The following LGI2 variants were observed in gnomAD, a reference collection of about 807,000 sequenced individuals.
The protein encoded by LGI2 is leucine-rich repeat LGI family member 2.
A neutral mutation model predicts 52.0 loss-of-function variants in LGI2; 30 were observed. The observed-to-expected ratio is 0.58, with a 90% CI of 0.43 to 0.78. LGI2 has a LOEUF of 0.78. Ranked by LOEUF, LGI2 falls within the 30% of genes least tolerant of loss-of-function variation. The pLI, the probability that LGI2 is intolerant of heterozygous loss-of-function variation, is 0.00. For synonymous variants in LGI2, 270 were observed against 271.8 expected, an observed-to-expected ratio of 0.99 and a Z score of 0.06; for missense variants, 573 against 692.5, an observed-to-expected ratio of 0.83 and a Z score of 1.94.
At chr4:24,997,736 C>T (rs1725124854), downstream of LGI2, among the ~76,000 whole-genome samples, 1 of 152,174 alleles carries the variant, frequency 6.6e-6, no homozygotes, top group African/African-American at 2.4e-5. Flanking sequence ...GAGTCATTTT[C>T]TTGTATAATC....
downstream of LGI2, among the ~76,000 whole-genome samples, chr4:24,994,156 C>T (rs1004389815): frequency 6.6e-6 from 1 of 152,178 alleles, no homozygotes; most frequent in African/African-American, 2.4e-5. Context: ...TGCTGAACAA[C>T]ATCAAGTCCT....
chr4:25,017,538 C>G, intron 6 of LGI2, among the ~76,000 whole-genome samples: 1 of 73,222 alleles, frequency 1.4e-5, no homozygotes, highest in Admixed American at 1.5e-4. Context: ...TAAGACTCTG[C>G]CTCAAAAAAA....
At chr4:25,029,057 C>T (rs1220358083) in intron 1 of LGI2, among the ~76,000 whole-genome samples, 1 of 152,172 alleles carries the variant, frequency 6.6e-6, no homozygotes, top group Non-Finnish European at 1.5e-5. Flanking sequence ...TGGGGAAAAA[C>T]TCACAGACAC....
chr4:24,998,384 A>G (rs16876542), downstream of LGI2, among the ~76,000 whole-genome samples: 1 of 152,124 alleles, frequency 6.6e-6, no homozygotes, highest in Non-Finnish European at 1.5e-5. Context: ...TTTGTCCAAC[A>G]AAACCAGATG....
In LGI2 at chr4:25,019,220, G is replaced by A. The variant is rs754922452; in HGVS notation, c.432C>T (p.His144=). The part of the protein sequence containing the change: ...DLTHLSLANN[H]IKALPRDVFS... The stretch of plus-strand genomic sequence containing the variant: ...AGACATCCCTTGGTAGTGCTTTTAT[G>A]TGGTTATTGGCCAAAGAACTAGAAC... Residue 144 remains histidine (H), a synonymous_variant, in exon 5 of 8, where the codon CAC becomes CAT. Coordinates refer to ENST00000382114, the MANE Select transcript of LGI2 (RefSeq NM_018176.4). 1 of 1,608,154 alleles carries A rather than the reference G, an allele frequency of 6.2e-7. No individual in the cohort carries two copies. Among genetic ancestry groups the A allele is most frequent in the Admixed American group, 1.7e-5 (1 of 59,190 alleles).
Position 25,030,492 on chromosome 4 carries a change from C to T in LGI2, c.197+5G>A. 3.2e-6 allele frequency: 5 copies of T among 1,581,272 alleles called. No homozygotes were observed. Among genetic ancestry groups the T allele is most frequent in the Non-Finnish European group, 3.4e-6 (4 of 1,165,336 alleles). On this transcript the variant is annotated splice_donor_5th_base_variant and intron_variant, in intron 1 of 7. Transcript: ENST00000382114. ...CGGGATGGGGGCTGGAGGGGTCCCA[C>T]TCACAGGGAGCTGATGTCGCCCGGC...
downstream of LGI2, among the ~76,000 whole-genome samples, chr4:24,996,266 G>A (rs763324004): frequency 5.9e-5 from 9 of 152,112 alleles, no homozygotes; most frequent in Non-Finnish European, 1.0e-4. Context: ...GCAAGAAAAC[G>A]CTATTTTAAA....
rs1725259166 is a variant in LGI2, at chr4:25,002,083, A to G, written c.*1368T>C. The G allele has an allele frequency of 6.6e-6, 1 of 152,186 alleles. No homozygotes were observed. Among genetic ancestry groups the G allele is most frequent in the Non-Finnish European group, 1.5e-5 (1 of 68,068 alleles). The allele number at this position is 152,186 out of a possible 1,614,324, so 9.4% of individuals were successfully genotyped here. ...GGAGCTTGCCTATTGCCCATACCAG[A>G]GAGGCCCATTTGGAAATACACCATC... is the stretch of plus-strand genomic sequence containing the variant. On this transcript the variant is annotated 3_prime_UTR_variant, in exon 8 of 8. Coordinates refer to ENST00000382114, the MANE Select transcript of LGI2 (RefSeq NM_018176.4).
At position 25,030,799 on chromosome 4, in the gene LGI2, CGCT is replaced by C. The variant is rs906137082; in HGVS notation, c.-109_-107del. 529 of 578,650 alleles carry C rather than the reference CGCT, an allele frequency of 9.1e-4. 1 individual carries two copies. In the African/African-American group the frequency reaches 9.8e-3, roughly 11 times the overall value. The allele number at this position is 578,650 out of a possible 1,614,324, so 35.8% of individuals were successfully genotyped here. A position where few individuals can be genotyped will look rare whatever the true frequency, so the allele number is the denominator to read the frequency against. ...GCGCCGCTCGCTGCTCTGCCGCCGC[CGCT>C]GCTGGCGAGGACTAGGGAGCCGCGG... On this transcript the variant is annotated 5_prime_UTR_variant, in exon 1 of 8. Transcript: ENST00000382114.
chr4:25,019,206 G>C lies in LGI2; in HGVS notation c.446C>G (p.Pro149Arg). 1 of 1,608,824 alleles carries C rather than the reference G, an allele frequency of 6.2e-7. No homozygotes were observed. The highest frequency in any genetic ancestry group is 8.5e-7 in the Non-Finnish European group (1 of 1,177,002). ...SLANNHIKAL[P>R]RDVFSDLDSL... is the part of the protein sequence containing the mutation. ...GTCTAAATCACTGAAGACATCCCTT[G>C]GTAGTGCTTTTATGTGGTTATTGGC... Residue 149 changes from proline (P) to arginine (R), a missense_variant, in exon 5 of 8, where the codon CCA becomes CGA. Coordinates refer to ENST00000382114, the MANE Select transcript of LGI2 (RefSeq NM_018176.4).
At position 25,003,766 on chromosome 4, in the gene LGI2, C is replaced by A. The variant is rs775333011; in HGVS notation, c.1323G>T (p.Gly441=). 8 of 1,614,016 alleles carry A rather than the reference C, an allele frequency of 5.0e-6. No individual in the cohort carries two copies. The African/African-American group carries it at 9.3e-5, about 19-fold the overall frequency. ...TLYLSLTRFI[G]DSRVMRWNSK... ...TGTTCCACCTCATGACCCGGGAGTCCCCGATGAAGCGGGTAAGGGAAAGGT... is the reference window on the plus strand; with the variant it reads ...TGTTCCACCTCATGACCCGGGAGTCACCGATGAAGCGGGTAAGGGAAAGGT... The change falls in exon 8 of 8, where the codon GGG becomes GGT. Residue 441 remains glycine (G), a synonymous_variant. Transcript: ENST00000382114.
the LGI2 span, among the ~76,000 whole-genome samples, chr4:24,993,626 T>C: frequency 6.6e-6 from 1 of 152,310 alleles, no homozygotes. Flanking sequence ...AAATTTCATG[T>C]TAATTTCACA....
At chr4:25,014,066 A>G (rs1188272121) in intron 6 of LGI2, among the ~76,000 whole-genome samples, 1 of 152,178 alleles carries the variant, frequency 6.6e-6, no homozygotes, top group East Asian at 1.9e-4. Flanking sequence ...TTTAATTACA[A>G]CCAAGATGGC....
Position 25,003,496 on chromosome 4 carries a change from C to T in LGI2, c.1593G>A (p.Gly531=). The stretch of plus-strand genomic sequence containing the variant: ...TTATATGTTCAAAAATCTTTGTTTT[C>T]CCTTTGAAACTGGATGCAAAAAAGA... ...RDFFFASSFK[G]KTKIFEHIIV... The change falls in exon 8 of 8, where the codon GGG becomes GGA. Residue 531 remains glycine, a synonymous_variant. Coordinates refer to ENST00000382114, the MANE Select transcript of LGI2 (RefSeq NM_018176.4). 3 of 1,601,892 alleles carry T rather than the reference C, an allele frequency of 1.9e-6. No homozygotes were observed. Among genetic ancestry groups the T allele is most frequent in the Non-Finnish European group, 2.5e-6 (3 of 1,177,210 alleles).
chr4:25,029,701 C>G (rs1331105248), intron 1 of LGI2, among the ~76,000 whole-genome samples: 1 of 152,244 alleles, frequency 6.6e-6, no homozygotes, highest in Non-Finnish European at 1.5e-5. Context: ...AAGCCCTTTC[C>G]TGTCAGTTCC....
At chr4:24,992,472 G>T in the LGI2 span, among the ~76,000 whole-genome samples, 1 of 152,018 alleles carries the variant, frequency 6.6e-6, no homozygotes, top group Non-Finnish European at 1.5e-5. Context: ...CCAGCACTTT[G>T]GGGGGCTGAG....
In LGI2 at chr4:25,001,556, G is replaced by A. The variant is rs74978517; in HGVS notation, c.*1895C>T. ...TTTGTAGCCTGTTCAAAGAAACCAA[G>A]AGGGAAAAAAAAGTGCAGAAGAAAA... On this transcript the variant is annotated 3_prime_UTR_variant, in exon 8 of 8. Coordinates refer to ENST00000382114, the MANE Select transcript of LGI2 (RefSeq NM_018176.4). 1.8e-5 allele frequency: 2 copies of A among 114,222 alleles called. No homozygotes were observed. Among genetic ancestry groups the A allele is most frequent in the Non-Finnish European group, 3.6e-5 (2 of 55,410 alleles). 7.1% of individuals were successfully genotyped at this position (114,222 alleles called of 1,614,324 possible). A position where few individuals can be genotyped will look rare whatever the true frequency, so the allele number is the denominator to read the frequency against.
intron 4 of LGI2, among the ~76,000 whole-genome samples, chr4:25,022,820 G>T (rs1389054403): frequency 6.6e-6 from 1 of 152,192 alleles, no homozygotes; most frequent in African/African-American, 2.4e-5. Flanking sequence ...GTTGCCATCT[G>T]GGCTAACTCA....
At chr4:25,030,290 C>T (rs1726295554) in intron 1 of LGI2, among the ~76,000 whole-genome samples, 1 of 152,210 alleles carries the variant, frequency 6.6e-6, no homozygotes, top group South Asian at 2.1e-4. Context: ...GCCACAGGAA[C>T]CTGTCTGGGT....
Sources: gnomAD v4.1 joint callset for allele counts (sites outside exome capture counted in the v4.1 genomes callset) on GRCh38, gnomAD v4.1.1 for gene constraint, MANE v1.5 for transcripts, NCBI Gene and HGNC (gene_info 2026-07-23, HGNC 2026-07-21) for gene names.